KY: variants seen among roughly 807,000 people sequenced by gnomAD.
KY encodes the protein kyphoscoliosis peptidase.
Under a neutral mutation model 76.1 loss-of-function variants are expected in KY, and 43 were observed. The ratio of observed to expected loss-of-function variants is 0.57; its 90% CI spans 0.44 to 0.73. The LOEUF (loss-of-function observed/expected upper bound fraction) is 0.73. Among genes scored for constraint, KY ranks in the 30% least tolerant of loss-of-function variants. The pLI, the probability that KY is intolerant of heterozygous loss-of-function variation, is 0.00. For missense variants in KY, 722 were observed against 828.9 expected (o/e 0.87, Z 1.58); for synonymous variants, 277 against 326.2 (o/e 0.85, Z 1.63).
chr3:134,644,599 T>G (rs1047846274), intron 2 of KY, among the ~76,000 whole-genome samples: 5 of 152,222 alleles, frequency 3.3e-5, no homozygotes, highest in African/African-American at 7.2e-5. Context: ...GGCTTGTCAC[T>G]GGAAGTGACC....
intron 3 of KY, among the ~76,000 whole-genome samples, chr3:134,630,447 C>G (rs956194323): frequency 6.6e-6 from 1 of 152,206 alleles, no homozygotes; most frequent in Non-Finnish European, 1.5e-5. Context: ...GAGGCAGACA[C>G]AGTTGTGGGG....
chr3:134,603,957 C>G lies in KY; in HGVS notation c.1608G>C (p.Lys536Asn). The stretch of plus-strand genomic sequence containing the variant: ...GTTCCTGCCTCTTCTTGACAAAGAT[C>G]TTGAGGGCAAACTTGCCTGCATGGG... Reference protein sequence around the residue: ...QLPHAGKFALKIFVKKRQEPG... With the variant: ...QLPHAGKFALNIFVKKRQEPG... Residue 536 changes from lysine to asparagine, a missense_variant, in exon 11 of 11, where the codon AAG (lysine) becomes AAC (asparagine). Lys to Asn is a moderately conservative substitution (Grantham distance 94, BLOSUM62 0). This residue lies in a region of KY where 552 missense variants were observed against 680.9 expected (regional missense o/e 0.81). Transcript: ENST00000423778. 1 of 1,613,968 alleles carries G rather than the reference C, an allele frequency of 6.2e-7. No individual in the cohort carries two copies.
At chr3:134,609,264 CT>C (rs1959867551) in intron 9 of KY, among the ~76,000 whole-genome samples, 1 of 152,194 alleles carries the variant, frequency 6.6e-6, no homozygotes, top group South Asian at 2.1e-4. Flanking sequence ...TGGCGGGGAC[CT>C]TTTGTGGCTC....
At chr3:134,630,501 T>C (rs986209905) in intron 3 of KY, among the ~76,000 whole-genome samples, 5 of 152,104 alleles carry the variant, frequency 3.3e-5, no homozygotes, top group Admixed American at 2.0e-4. Context: ...GCTTTTTGGG[T>C]AGAGGAATGA....
At chr3:134,624,212 A>G (rs1963110920) in intron 6 of KY, among the ~76,000 whole-genome samples, 1 of 152,072 alleles carries the variant, frequency 6.6e-6, no homozygotes, top group Non-Finnish European at 1.5e-5. Context: ...CTGGTGTTAG[A>G]GTTCTTCCCC....
Position 134,637,967 on chromosome 3 carries a change from C to T in KY, c.262+5349G>A, listed in dbSNP as rs561081982. 4.6e-5 allele frequency among the ~76,000 whole-genome samples: 7 copies of T among 152,362 alleles called. No individual in the cohort carries two copies. The South Asian group carries it at 1.2e-3, about 27-fold the overall frequency. ...ATCCCTTCTCTCCTTTCTGTGATTC[C>T]TCTTCCCTCTTGGACAGGGGTCAAT... On this transcript the variant is annotated intron_variant, in intron 3 of 10. Coordinates refer to ENST00000423778, the MANE Select transcript of KY (RefSeq NM_178554.6).
chr3:134,634,356 G>A (rs1419566779), intron 3 of KY, among the ~76,000 whole-genome samples: 1 of 152,102 alleles, frequency 6.6e-6, no homozygotes, highest in Non-Finnish European at 1.5e-5. Context: ...ATGCATTAAT[G>A]AAAAGCTGTA....
chr3:134,634,247 A>G (rs1338037249), intron 3 of KY, among the ~76,000 whole-genome samples: 2 of 152,220 alleles, frequency 1.3e-5, no homozygotes, highest in African/African-American at 4.8e-5. Flanking sequence ...TTGTGCAAAT[A>G]TATAATTATA....
At chr3:134,632,593 A>T (rs1300974702) in intron 3 of KY, among the ~76,000 whole-genome samples, 1 of 152,048 alleles carries the variant, frequency 6.6e-6, no homozygotes. Context: ...AATGTGTGAG[A>T]TGAAGCCAAA....
At chr3:134,628,815 A>G (rs1009206352) in intron 4 of KY, among the ~76,000 whole-genome samples, 2 of 152,168 alleles carry the variant, frequency 1.3e-5, no homozygotes, top group South Asian at 4.1e-4. Flanking sequence ...CCAAGGTCAC[A>G]CAGCTGAAAC....
At chr3:134,650,494 G>C (rs1275768458) in intron 1 of KY, among the ~76,000 whole-genome samples, 1 of 152,194 alleles carries the variant, frequency 6.6e-6, no homozygotes, top group Non-Finnish European at 1.5e-5. Flanking sequence ...CTGAGGCTCT[G>C]GCCGCCTTCC....
rs570125475 is a variant in KY, at chr3:134,612,246, G to A, written c.711-1863C>T. Among the ~76,000 whole-genome samples the A allele has an allele frequency of 1.2e-4, 18 of 152,310 alleles. No individual in the cohort carries two copies. The South Asian group carries it at 3.5e-3, about 30-fold the overall frequency. ...TGGCTCTGTGGGATGGCTTCTGGGA[G>A]CACTTGAGGGCATGGGGACAGACTG... On this transcript the variant is annotated intron_variant, in intron 8 of 10. Coordinates refer to ENST00000423778, the MANE Select transcript of KY (RefSeq NM_178554.6).
At chr3:134,629,033 G>GGA in intron 4 of KY, among the ~76,000 whole-genome samples, 1 of 152,180 alleles carries the variant, frequency 6.6e-6, no homozygotes, top group Non-Finnish European at 1.5e-5. Flanking sequence ...ACCATAAGGT[G>GGA]CACAGATGCA....
In KY at chr3:134,610,248, G is replaced by A; in HGVS notation, c.846C>T (p.Asp282=). 6.2e-7 allele frequency: 1 copy of A among 1,613,958 alleles called. No homozygotes were observed. The highest frequency in any genetic ancestry group is 8.5e-7 in the Non-Finnish European group (1 of 1,179,882). Residue 282 remains aspartate (D), a synonymous_variant, in exon 9 of 11, where the codon GAC becomes GAT. Coordinates refer to ENST00000423778, the MANE Select transcript of KY (RefSeq NM_178554.6). The part of the protein sequence containing the change: ...VYLEGRWHLV[D]STWGSGLVDT... ...CCACCAGGCCGCTGCCCCAGGTGCTGTCCACCAGGTGCCATCTTCCCTCCA... is the reference window on the plus strand; with the variant it reads ...CCACCAGGCCGCTGCCCCAGGTGCTATCCACCAGGTGCCATCTTCCCTCCA...
intron 3 of KY, among the ~76,000 whole-genome samples, chr3:134,631,159 GA>G (rs1964177475): frequency 6.6e-6 from 1 of 152,122 alleles, no homozygotes; most frequent in Admixed American, 6.5e-5. Flanking sequence ...ATATGATGCA[GA>G]AAAAATATTT....
intron 8 of KY, among the ~76,000 whole-genome samples, chr3:134,617,401 G>T (rs1467938405): frequency 1.3e-5 from 2 of 152,190 alleles, no homozygotes; most frequent in African/African-American, 4.8e-5. Flanking sequence ...GGCCTACTGG[G>T]TGTAGGATTC....
chr3:134,621,801 A>G (rs1962659481), intron 6 of KY, among the ~76,000 whole-genome samples: 1 of 152,218 alleles, frequency 6.6e-6, no homozygotes, highest in African/African-American at 2.4e-5. Context: ...GAGAGAAAAC[A>G]TTGCAAATCA....
Position 134,603,259 on chromosome 3 carries a change from G to GCAA in KY, c.*317_*319dup, listed in dbSNP as rs1271268950. The GCAA allele has an allele frequency of 3.0e-5, 7 of 231,956 alleles. No homozygotes were observed. The highest frequency in any genetic ancestry group is 5.0e-5 in the Non-Finnish European group (6 of 120,114). 14.4% of individuals were successfully genotyped at this position (231,956 alleles called of 1,614,324 possible). On this transcript the variant is annotated 3_prime_UTR_variant, in exon 11 of 11. Transcript: ENST00000423778. ...CCTGCTTTCCCTCATCAACCCTACAGCAACAACAACAGCAGCAGCACTAAT... is the reference window on the plus strand; with the variant it reads ...CCTGCTTTCCCTCATCAACCCTACAGCAACAACAACAACAGCAGCAGCACTAAT...
Position 134,600,105 on chromosome 3 carries a change from C to T in KY, c.*3474G>A, listed in dbSNP as rs539166537. 3.9e-4 allele frequency among the ~76,000 whole-genome samples: 59 copies of T among 152,308 alleles called. No homozygotes were observed. The highest frequency in any genetic ancestry group is 1.4e-3 in the African/African-American group (58 of 41,560). On this transcript the variant is annotated 3_prime_UTR_variant, in exon 11 of 11. Transcript: ENST00000423778. ...ATTATAGACCTAAGATAAACTGAGG[C>T]GGGCAATAGAGGCACACCATCTTCG...
Sources: gnomAD v4.1 joint callset for allele counts (sites outside exome capture counted in the v4.1 genomes callset) on GRCh38, gnomAD v4.1.1 for gene constraint, gnomAD v4.1.1 regional missense constraint, MANE v1.5 for transcripts, NCBI Gene and HGNC (gene_info 2026-07-23, HGNC 2026-07-21) for gene names.